The following TEK variants were observed in gnomAD, a reference collection of about 807,000 sequenced individuals.
TEK encodes angiopoietin-1 receptor.
TEK carries 43 observed loss-of-function variants against 131.8 expected under a neutral mutation model. The observed-to-expected ratio is 0.33, with a 90% CI of 0.26 to 0.42. TEK has a LOEUF of 0.42. TEK is among the 10% of genes least tolerant of loss of function. The probability of loss-of-function intolerance (pLI) is 1.00; values close to 1 mark genes in which losing one functional copy is unlikely to be tolerated. For missense variants in TEK, 1,162 were observed against 1,384.4 expected, an observed-to-expected ratio of 0.84 and a Z score of 2.55; for synonymous variants, 580 against 491.6, an observed-to-expected ratio of 1.18 and a Z score of -2.38.
chr9:27,228,971 G>T (rs771672793), intron 22 of TEK, among the ~76,000 whole-genome samples, 187 bp from the exon 23 acceptor site: 3 of 152,172 alleles, frequency 2.0e-5, no homozygotes, highest in East Asian at 1.9e-4. Context: ...CTTGCAGAAC[G>T]CAAGGGGATG....
chr9:27,112,498 C>A (rs1216513864), intron 1 of TEK, among the ~76,000 whole-genome samples: 1 of 152,146 alleles, frequency 6.6e-6, no homozygotes, highest in African/African-American at 2.4e-5. Flanking sequence ...TTCAGCCCTG[C>A]CCTGGGAGAG....
chr9:27,181,627 G>T (rs959658161), intron 7 of TEK, among the ~76,000 whole-genome samples: 2 of 152,022 alleles, frequency 1.3e-5, no homozygotes, highest in Admixed American at 6.6e-5. Flanking sequence ...AAAAATTTTG[G>T]ATCACAGCCA....
At chr9:27,155,872 G>A (rs964850595) in intron 1 of TEK, among the ~76,000 whole-genome samples, 7 of 150,306 alleles carry the variant, frequency 4.7e-5, no homozygotes, top group South Asian at 2.1e-4. Context: ...AGTCTGGTGC[G>A]CAGCACTGGA....
chr9:27,219,443 C>T (rs1825959842), intron 20 of TEK, among the ~76,000 whole-genome samples: 2 of 152,066 alleles, frequency 1.3e-5, no homozygotes, highest in African/African-American at 4.8e-5. Flanking sequence ...ACAATGGGAA[C>T]ACATGGACAC....
chr9:27,201,360 G>C (rs922504267), intron 12 of TEK, among the ~76,000 whole-genome samples: 1 of 152,032 alleles, frequency 6.6e-6, no homozygotes, highest in Non-Finnish European at 1.5e-5. Context: ...GAAGACCACT[G>C]GTTTATGAAG....
intron 2 of TEK, among the ~76,000 whole-genome samples, chr9:27,164,738 G>A (rs1238776198): frequency 6.6e-6 from 1 of 152,128 alleles, no homozygotes; most frequent in Non-Finnish European, 1.5e-5. Context: ...GTCTCACTGT[G>A]TTGCCTAGGC....
intron 22 of TEK, among the ~76,000 whole-genome samples, chr9:27,228,549 A>G (rs1389504993): frequency 6.6e-6 from 1 of 152,102 alleles, no homozygotes; most frequent in Non-Finnish European, 1.5e-5. Flanking sequence ...AGCCTATTAG[A>G]GTTGGAAGGA....
Position 27,213,543 on chromosome 9 carries a change from A to C in TEK, c.2937A>C (p.Lys979Asn). ...TAGTTGGTGAAAACTATGTGGCAAA[A>C]ATAGCAGATTTTGGATTGTCCCGAG... is the stretch of plus-strand genomic sequence containing the variant. ...NILVGENYVAKIADFGLSRGQ... is the reference protein window; with the variant it reads ...NILVGENYVANIADFGLSRGQ... The change falls in exon 18 of 23, where the codon AAA becomes AAC. Residue 979 changes from lysine (K) to asparagine (N), a missense_variant. Around this residue, in one of 6 missense-constraint regions of TEK, gnomAD observed 107 missense variants for 173.9 expected, o/e 0.62. Coordinates refer to ENST00000380036, the MANE Select transcript of TEK (RefSeq NM_000459.5). The C allele has an allele frequency of 6.2e-7, 1 of 1,614,072 alleles. No homozygotes were observed. The highest frequency in any genetic ancestry group is 8.5e-7 in the Non-Finnish European group (1 of 1,179,926).
chr9:27,215,978 A>C (rs1825808892), intron 18 of TEK, among the ~76,000 whole-genome samples: 1 of 152,214 alleles, frequency 6.6e-6, no homozygotes, highest in African/African-American at 2.4e-5. Flanking sequence ...GACACAGTAC[A>C]TACAGAACCC....
chr9:27,125,430 G>C (rs1308850178), intron 1 of TEK, among the ~76,000 whole-genome samples: 2 of 152,226 alleles, frequency 1.3e-5, no homozygotes, highest in Non-Finnish European at 2.9e-5. Context: ...AGGAGAGCCG[G>C]TGACTAAGAC....
chr9:27,125,895 A>G (rs1821968132), intron 1 of TEK, among the ~76,000 whole-genome samples: 1 of 152,040 alleles, frequency 6.6e-6, no homozygotes, highest in African/African-American at 2.4e-5. Flanking sequence ...TTTCTATTCT[A>G]TACATATTTT....
chr9:27,195,006 C>G (rs1435246549), intron 11 of TEK, among the ~76,000 whole-genome samples: 3 of 152,060 alleles, frequency 2.0e-5, no homozygotes, highest in African/African-American at 7.2e-5. Flanking sequence ...CTCTTCTGTA[C>G]CAGGCACAGG....
At chr9:27,137,528 C>T (rs1162171113) in intron 1 of TEK, among the ~76,000 whole-genome samples, 1 of 151,944 alleles carries the variant, frequency 6.6e-6, no homozygotes, top group African/African-American at 2.4e-5. Flanking sequence ...ACCAGCTGGC[C>T]CTATGGATTT....
intron 6 of TEK, among the ~76,000 whole-genome samples, chr9:27,175,455 C>T (rs898703946): frequency 2.0e-5 from 3 of 151,998 alleles, no homozygotes; most frequent in African/African-American, 7.3e-5. Flanking sequence ...CATACGTGTG[C>T]ATGTGTCTTT....
chr9:27,109,786 A>T, intron 1 of TEK, 144 bp downstream of exon 1: 1 of 802,852 alleles, frequency 1.2e-6, no homozygotes, highest in Non-Finnish European at 2.1e-6. Context: ...GTCTCCAGTC[A>T]ATATGTGTGG....
At chr9:27,140,927 T>C (rs898889898) in intron 1 of TEK, among the ~76,000 whole-genome samples, 3 of 152,088 alleles carry the variant, frequency 2.0e-5, no homozygotes, top group Admixed American at 2.0e-4. Context: ...TGTCTGAAAC[T>C]AGTATTATTT....
intron 1 of TEK, among the ~76,000 whole-genome samples, chr9:27,146,808 C>A (rs1456753085): frequency 6.7e-6 from 1 of 148,792 alleles, no homozygotes; most frequent in Non-Finnish European, 1.5e-5. Context: ...CGGCTCACTG[C>A]AAGCTCCGCC....
At chr9:27,125,758 TA>T (rs1470280726) in intron 1 of TEK, among the ~76,000 whole-genome samples, 4 of 152,250 alleles carry the variant, frequency 2.6e-5, no homozygotes, top group African/African-American at 9.6e-5. Context: ...TAACTATCAT[TA>T]TTTTTTTGTA....
At chr9:27,170,732 A>G (rs1420743780) in intron 4 of TEK, among the ~76,000 whole-genome samples, 1 of 152,148 alleles carries the variant, frequency 6.6e-6, no homozygotes, top group Non-Finnish European at 1.5e-5. Flanking sequence ...TGCTTTTACC[A>G]TGTCTCAGCT....
Sources: gnomAD v4.1 joint callset for allele counts (sites outside exome capture counted in the v4.1 genomes callset) on GRCh38, gnomAD v4.1.1 for gene constraint, gnomAD v4.1.1 regional missense constraint, MANE v1.5 for transcripts, NCBI Gene and HGNC (gene_info 2026-07-23, HGNC 2026-07-21) for gene names.